The following DPP6 variants were observed in gnomAD, a reference collection of about 807,000 sequenced individuals.
The protein encoded by DPP6 is A-type potassium channel modulatory protein DPP6.
DPP6 carries 69 observed loss-of-function variants against 122.6 expected under a neutral mutation model. The observed-to-expected ratio is 0.56, with a 90% CI of 0.46 to 0.69. The LOEUF (loss-of-function observed/expected upper bound fraction) is 0.69. Ranked by LOEUF, DPP6 falls within the 30% of genes least tolerant of loss-of-function variation. DPP6 has a pLI of 0.00. For synonymous variants in DPP6, 418 were observed against 433.1 expected (o/e 0.97, Z 0.43); for missense variants, 928 against 1,116.9 (o/e 0.83, Z 2.41).
chr7:154,285,385 C>T (rs1296046975), intron 1 of DPP6, among the ~76,000 whole-genome samples: 1 of 152,102 alleles, frequency 6.6e-6, no homozygotes, highest in Admixed American at 6.5e-5. Context: ...CTGCCTCAGC[C>T]TCCCAAGTAG....
intron 1 of DPP6, among the ~76,000 whole-genome samples, chr7:154,036,819 G>A (rs1309142460): frequency 3.3e-5 from 5 of 152,078 alleles, no homozygotes; most frequent in Admixed American, 1.3e-4. Context: ...GGGACATAGC[G>A]TGCCAACTCT....
At chr7:153,991,537 A>C (rs1321263453) in intron 1 of DPP6, among the ~76,000 whole-genome samples, 1 of 152,176 alleles carries the variant, frequency 6.6e-6, no homozygotes, top group Non-Finnish European at 1.5e-5. Flanking sequence ...TACAGCAGGG[A>C]TATTTAGAGT....
chr7:153,887,866 G>C (rs1799005303), intron 1 of DPP6: 4 of 1,034,770 alleles, frequency 3.9e-6, no homozygotes, highest in African/African-American at 1.6e-5. Context: ...GCGCGGCGGC[G>C]CTTCTCCCAC....
At position 154,490,085 on chromosome 7, in the gene DPP6, G is replaced by A. The variant is rs181150131; in HGVS notation, c.457+15048G>A. Among the ~76,000 whole-genome samples, 15 of 152,304 alleles carry A rather than the reference G, an allele frequency of 9.8e-5. No individual in the cohort carries two copies. The East Asian group carries it at 1.9e-3, about 20-fold the overall frequency. ...GATCAGGGGCCCTAGAATCAGAGAA[G>A]TTAAGTCACTTACCTTAGGCCACAC... On this transcript the variant is annotated intron_variant, in intron 3 of 25. Coordinates refer to ENST00000377770, the MANE Select transcript of DPP6 (RefSeq NM_130797.4).
At position 154,290,612 on chromosome 7, in the gene DPP6, C is replaced by T. The variant is rs1404404491; in HGVS notation, c.244-155602C>T. On this transcript the variant is annotated intron_variant, in intron 1 of 25. Transcript: ENST00000377770. ...AGCCGAGATTGCACCATTGAACGCA[C>T]TGTAGCCTGTGTGACAAGAGCAAAA... Among the ~76,000 whole-genome samples the T allele has an allele frequency of 2.0e-5, 3 of 149,732 alleles. No individual in the cohort carries two copies. In the East Asian group the frequency reaches 5.9e-4, roughly 30 times the overall value.
At chr7:154,246,768 G>A (rs1294512786) in intron 1 of DPP6, among the ~76,000 whole-genome samples, 1 of 152,094 alleles carries the variant, frequency 6.6e-6, no homozygotes, top group South Asian at 2.1e-4. Flanking sequence ...AAGTAGGAAG[G>A]CCTAGATGAA....
rs372252736 is a variant in DPP6 at position 154,108,577 on chromosome 7, C to G, written c.243+55514C>G. On this transcript the variant is annotated intron_variant, in intron 1 of 25. Transcript: ENST00000377770. Reference sequence around the variant, plus strand: ...TAGCATCACCTGTGAGGTAATGCCACAAACTTGTGAGCTGAACTTAATCAA... The same window carrying G: ...TAGCATCACCTGTGAGGTAATGCCAGAAACTTGTGAGCTGAACTTAATCAA... 6.3e-3 allele frequency among the ~76,000 whole-genome samples: 960 copies of G among 152,240 alleles called. 18 individuals carry two copies. Among genetic ancestry groups the G allele is most frequent in the African/African-American group, 0.022 (930 of 41,502 alleles).
chr7:154,847,957 G>T (rs550873860), intron 16 of DPP6, among the ~76,000 whole-genome samples: 1 of 152,172 alleles, frequency 6.6e-6, no homozygotes, highest in Non-Finnish European at 1.5e-5. Flanking sequence ...TTCACTTAGC[G>T]TAATGTCTTC....
chr7:154,770,979 C>T (rs1478703849), intron 9 of DPP6, among the ~76,000 whole-genome samples: 1 of 152,232 alleles, frequency 6.6e-6, no homozygotes, highest in Non-Finnish European at 1.5e-5. Context: ...AGTTTCCTGC[C>T]TGCACCCTGC....
intron 3 of DPP6, 26 bp from the exon 4 acceptor site, chr7:154,540,506 G>GT (rs747588539): frequency 1.9e-5 from 28 of 1,453,396 alleles, no homozygotes; most frequent in East Asian, 9.1e-5. Context: ...GTTTCATGTG[G>GT]TTTTTTTCTA....
At chr7:154,063,269 C>A (rs1365444868) in intron 1 of DPP6, among the ~76,000 whole-genome samples, 1 of 134,964 alleles carries the variant, frequency 7.4e-6, no homozygotes, top group East Asian at 2.3e-4. Context: ...TCTTAGGACC[C>A]CCATCGCAGA....
At chr7:154,215,961 T>G (rs1020024290) in intron 1 of DPP6, among the ~76,000 whole-genome samples, 14 of 151,990 alleles carry the variant, frequency 9.2e-5, no homozygotes, top group African/African-American at 3.4e-4. Flanking sequence ...ACGTACTGCT[T>G]CTTCTAAAAG....
At chr7:154,134,067 T>G (rs1287886306) in intron 1 of DPP6, among the ~76,000 whole-genome samples, 3 of 151,978 alleles carry the variant, frequency 2.0e-5, no homozygotes, top group East Asian at 3.9e-4. Flanking sequence ...GGGCTGCCAC[T>G]CAGTGCAGTC....
At chr7:154,025,178 T>G (rs76816058) in intron 1 of DPP6, among the ~76,000 whole-genome samples, 14,773 of 151,668 alleles carry the variant, frequency 0.097, 877 homozygotes, top group East Asian at 0.19. Context: ...CCCTCCTTTG[T>G]GCTTTCTAGA....
intron 7 of DPP6, among the ~76,000 whole-genome samples, chr7:154,714,914 G>A (rs1013839611): frequency 6.6e-6 from 1 of 152,150 alleles, no homozygotes. Context: ...AGATGAGTCT[G>A]GCAGAAAGAA....
intron 1 of DPP6, among the ~76,000 whole-genome samples, chr7:154,268,527 C>T (rs138564117): frequency 1.8e-4 from 27 of 152,298 alleles, no homozygotes; most frequent in South Asian, 4.1e-4. Context: ...TAACCCCTTC[C>T]GGAGGCCTTG....
chr7:154,326,096 ACTGT>A (rs1808424771), intron 1 of DPP6, among the ~76,000 whole-genome samples: 1 of 152,212 alleles, frequency 6.6e-6, no homozygotes, highest in Non-Finnish European at 1.5e-5. Flanking sequence ...ATTAAACCTC[ACTGT>A]CTGAGATCCT....
chr7:153,809,208 T>G, the DPP6 span, among the ~76,000 whole-genome samples: 7 of 152,106 alleles, frequency 4.6e-5, no homozygotes, highest in Non-Finnish European at 1.0e-4. Flanking sequence ...GGAAGAAATG[T>G]CTATTCAGGC....
chr7:154,150,946 C>T (rs1796382798), intron 1 of DPP6, among the ~76,000 whole-genome samples: 1 of 152,154 alleles, frequency 6.6e-6, no homozygotes, highest in Non-Finnish European at 1.5e-5. Context: ...GCCTGTCTCC[C>T]TCCTCCACAC....
Sources: allele counts gnomAD v4.1 joint callset (sites outside exome capture counted in the v4.1 genomes callset), GRCh38; gene constraint gnomAD v4.1.1; transcripts MANE v1.5; gene names NCBI Gene and HGNC (gene_info 2026-07-23, HGNC 2026-07-21).